Variants in GRIK4 observed in about 807,000 individuals in gnomAD.
GRIK4 encodes the protein glutamate receptor ionotropic, kainate 4.
GRIK4 carries 40 observed loss-of-function variants against 104.9 expected under a neutral mutation model. The ratio of observed to expected loss-of-function variants is 0.38; its 90% confidence interval spans 0.30 to 0.50. The LOEUF (loss-of-function observed/expected upper bound fraction) is 0.50. Among genes scored for constraint, GRIK4 ranks in the 20% least tolerant of loss-of-function variants. The pLI is 0.93. For synonymous variants in GRIK4, 485 were observed against 524.9 expected (o/e 0.92, Z 1.04); for missense variants, 1,047 against 1,308.1 (o/e 0.80, Z 3.08).
chr11:120,788,764 C>G (rs1024297283), intron 3 of GRIK4, among the ~76,000 whole-genome samples: 3 of 152,010 alleles, frequency 2.0e-5, no homozygotes, highest in African/African-American at 7.2e-5. Context: ...TTTAAACACC[C>G]TTCCTTGGAG....
At chr11:120,558,042 AGAAGT>A (rs1433457091) in intron 1 of GRIK4, among the ~76,000 whole-genome samples, 5 of 148,518 alleles carry the variant, frequency 3.4e-5, no homozygotes, top group Non-Finnish European at 7.4e-5. Context: ...AAAAAAAAAA[AGAAGT>A]AATCGACAGT....
chr11:120,915,797 C>G (rs911694998), intron 13 of GRIK4, among the ~76,000 whole-genome samples: 3 of 152,184 alleles, frequency 2.0e-5, no homozygotes, highest in African/African-American at 7.2e-5. Context: ...GCTCTACACT[C>G]ATGAGTTAAT....
At chr11:120,892,283 T>C (rs1319801082) in intron 11 of GRIK4, among the ~76,000 whole-genome samples, 1 of 152,202 alleles carries the variant, frequency 6.6e-6, no homozygotes, top group African/African-American at 2.4e-5. Context: ...CTCATGGGGC[T>C]TTGCAGGCCA....
At position 120,676,280 on chromosome 11, in the gene GRIK4, C is replaced by T. The variant is rs1319282258; in HGVS notation, c.82+15880C>T. Among the ~76,000 whole-genome samples the T allele has an allele frequency of 3.3e-5, 5 of 152,282 alleles. No individual in the cohort carries two copies. The South Asian group carries it at 6.2e-4, about 19-fold the overall frequency. On this transcript the variant is annotated intron_variant, in intron 3 of 20. Transcript: ENST00000527524. Reference sequence around the variant, plus strand: ...GACTCATGAGATTCGATTGAATCTCCCAGGATAAGCCAGGATCATCTCCCT... The same window carrying T: ...GACTCATGAGATTCGATTGAATCTCTCAGGATAAGCCAGGATCATCTCCCT...
At chr11:120,876,982 GTCC>G (rs1399541578) in intron 11 of GRIK4, among the ~76,000 whole-genome samples, 6 of 152,334 alleles carry the variant, frequency 3.9e-5, no homozygotes, top group African/African-American at 1.4e-4. Context: ...CCTCCTTAGA[GTCC>G]AGTGGAGTTC....
chr11:120,536,298 A>C (rs908895142), intron 1 of GRIK4, among the ~76,000 whole-genome samples: 1 of 152,244 alleles, frequency 6.6e-6, no homozygotes, highest in Admixed American at 6.5e-5. Flanking sequence ...CCTGAAGGAC[A>C]AGTTGGGCCC....
chr11:120,928,163 G>A (rs539528283), intron 13 of GRIK4, among the ~76,000 whole-genome samples: 12 of 149,412 alleles, frequency 8.0e-5, no homozygotes, highest in East Asian at 5.9e-4. Context: ...GCAGTGAGCC[G>A]AGATCGCACC....
At position 120,987,717 on chromosome 11, in the gene GRIK4, T is replaced by C. The variant is rs1379770048; in HGVS notation, c.*1457T>C. ...AGGTTACCAGGTGACTGCTAGTGAC[T>C]GCTCTCCATGTGAGAAGTTTGCAGA... On this transcript the variant is annotated 3_prime_UTR_variant, in exon 21 of 21. Transcript: ENST00000527524. 2.0e-5 allele frequency: 3 copies of C among 152,234 alleles called. No individual in the cohort carries two copies. The highest frequency in any genetic ancestry group is 7.2e-5 in the African/African-American group (3 of 41,432). The allele number at this position is 152,234 out of a possible 1,614,324, so 9.4% of individuals were successfully genotyped here. A position where few individuals can be genotyped will look rare whatever the true frequency, so the allele number is the denominator to read the frequency against.
At chr11:120,698,792 C>T (rs935424807) in intron 3 of GRIK4, among the ~76,000 whole-genome samples, 3 of 152,152 alleles carry the variant, frequency 2.0e-5, no homozygotes, top group Non-Finnish European at 4.4e-5. Flanking sequence ...TGTTTGGCTC[C>T]ACCACCCAGC....
rs1943765406 is a variant in GRIK4 at position 120,943,125 on chromosome 11, C to CACAG, written c.1590+2668_1590+2669insGACA. Among the ~76,000 whole-genome samples the CACAG allele has an allele frequency of 3.4e-5, 4 of 119,234 alleles. No individual in the cohort carries two copies. In the South Asian group the frequency reaches 1.0e-3, roughly 30 times the overall value. 78.2% of individuals were successfully genotyped at this position (119,234 alleles called of 152,430 possible). Reference sequence around the variant, plus strand: ...CCCTCTCTACACACACACACACACACACACACACACACACACACACACACA... The same window carrying CACAG: ...CCCTCTCTACACACACACACACACACACAGACACACACACACACACACACACACA... On this transcript the variant is annotated intron_variant, in intron 14 of 20. Transcript: ENST00000527524.
intron 13 of GRIK4, among the ~76,000 whole-genome samples, chr11:120,908,887 G>A (rs1029021180): frequency 3.9e-5 from 6 of 152,236 alleles, no homozygotes; most frequent in East Asian, 3.8e-4. Flanking sequence ...AACAGCACTC[G>A]AGGTGCAAAG....
chr11:120,758,501 A>G (rs753225161), intron 3 of GRIK4, among the ~76,000 whole-genome samples: 59 of 152,196 alleles, frequency 3.9e-4, no homozygotes, highest in Non-Finnish European at 6.6e-4. Context: ...GCTCATAACC[A>G]GGGCTCCAGC....
chr11:120,938,885 C>T (rs1226355202), intron 13 of GRIK4, among the ~76,000 whole-genome samples: 1 of 152,174 alleles, frequency 6.6e-6, no homozygotes, highest in Non-Finnish European at 1.5e-5. Flanking sequence ...AAAATCTGAT[C>T]CAGGAAGTCT....
rs2852236 is a variant in GRIK4, at chr11:120,903,984, A to G, written c.1273-1306A>G. On this transcript the variant is annotated intron_variant, in intron 12 of 20. Transcript: ENST00000527524. The surrounding 1 kb of genome is among the most constrained non-coding windows in gnomAD (Gnocchi z 4.4). The stretch of plus-strand genomic sequence containing the variant: ...CAATTTCCTCCTCCTTGACGCTAAG[A>G]TCATGTTCCCCTGATTTTCAGCCTT... 6.6e-6 allele frequency among the ~76,000 whole-genome samples: 1 copy of G among 152,120 alleles called. No homozygotes were observed. Among genetic ancestry groups the G allele is most frequent in the African/African-American group, 2.4e-5 (1 of 41,402 alleles).
At chr11:120,648,124 T>C (rs942150240) in intron 1 of GRIK4, among the ~76,000 whole-genome samples, 1 of 151,716 alleles carries the variant, frequency 6.6e-6, no homozygotes, top group African/African-American at 2.4e-5. Context: ...GCTAGGGAGG[T>C]TGAGGATTTC....
chr11:120,784,323 T>A (rs1952221029), intron 3 of GRIK4, among the ~76,000 whole-genome samples: 1 of 152,106 alleles, frequency 6.6e-6, no homozygotes, highest in Non-Finnish European at 1.5e-5. Context: ...TGTGCTTTGA[T>A]CTCCTGGGAA....
intron 3 of GRIK4, among the ~76,000 whole-genome samples, chr11:120,800,215 C>A (rs1049070602): frequency 2.6e-5 from 4 of 152,132 alleles, no homozygotes; most frequent in African/African-American, 9.7e-5. Context: ...GGAACCCCAA[C>A]CCCTGAAATG....
intron 17 of GRIK4, 132 bp from the exon 18 acceptor site, chr11:120,962,324 G>A (rs1944302047): frequency 1.6e-6 from 1 of 628,238 alleles, no homozygotes. Flanking sequence ...AAGGGAAAAG[G>A]TTCTTGACTG....
chr11:120,885,183 A>C (rs1047841227), intron 11 of GRIK4, among the ~76,000 whole-genome samples: 1 of 152,210 alleles, frequency 6.6e-6, no homozygotes, highest in African/African-American at 2.4e-5. Context: ...CAGCTAATTC[A>C]AAACACCTTC....
Sources: allele counts gnomAD v4.1 joint callset (sites outside exome capture counted in the v4.1 genomes callset), GRCh38; gene constraint gnomAD v4.1.1; non-coding constraint Gnocchi (gnomAD v3.1); transcripts MANE v1.5; gene names NCBI Gene and HGNC (gene_info 2026-07-23, HGNC 2026-07-21).